The following FBXO16 variants were observed in gnomAD, a reference collection of about 807,000 sequenced individuals.
FBXO16 encodes F-box only protein 16.
In FBXO16, 31 loss-of-function variants were observed where a neutral mutation model predicts 41.0. That is an observed-to-expected ratio of 0.76 (90% CI 0.57 to 1.02). FBXO16 has a LOEUF of 1.02. Among genes scored for constraint, FBXO16 ranks in the 50% least tolerant of loss-of-function variants. The probability of loss-of-function intolerance (pLI) is 0.00; values close to 1 mark genes in which losing one functional copy is unlikely to be tolerated. For missense variants in FBXO16, 361 were observed against 346.2 expected, an observed-to-expected ratio of 1.04 and a Z score of -0.34; for synonymous variants, 133 against 117.8, an observed-to-expected ratio of 1.13 and a Z score of -0.84.
At chr8:28,476,221 T>G (rs1803420883) in intron 2 of FBXO16, among the ~76,000 whole-genome samples, 1 of 152,136 alleles carries the variant, frequency 6.6e-6, no homozygotes, top group Admixed American at 6.5e-5. Context: ...ATAGGGTGGA[T>G]GTTGGGAAGT....
At chr8:28,436,654 T>C (rs1000003945) in intron 7 of FBXO16, among the ~76,000 whole-genome samples, 5 of 152,210 alleles carry the variant, frequency 3.3e-5, no homozygotes, top group African/African-American at 1.2e-4. Flanking sequence ...TCAAAACACC[T>C]GTGTCTTAAA....
chr8:28,484,918 C>G (rs1014354806), intron 1 of FBXO16, among the ~76,000 whole-genome samples: 2 of 152,020 alleles, frequency 1.3e-5, no homozygotes, highest in Non-Finnish European at 2.9e-5. Flanking sequence ...CTCTATCACC[C>G]AGGCTCGAGT....
intron 7 of FBXO16, among the ~76,000 whole-genome samples, chr8:28,434,605 C>T (rs1802659237): frequency 6.6e-6 from 1 of 152,202 alleles, no homozygotes; most frequent in South Asian, 2.1e-4. Flanking sequence ...ACAATCTTCA[C>T]TTTGTAGAAG....
At chr8:28,462,689 A>C (rs1299125950) in intron 4 of FBXO16, among the ~76,000 whole-genome samples, 2 of 152,202 alleles carry the variant, frequency 1.3e-5, no homozygotes, top group Non-Finnish European at 2.9e-5. Context: ...GACTCAACAA[A>C]ATGACTATCA....
chr8:28,437,154 C>A (rs1427187622), intron 7 of FBXO16, among the ~76,000 whole-genome samples: 1 of 152,238 alleles, frequency 6.6e-6, no homozygotes, highest in African/African-American at 2.4e-5. Flanking sequence ...AAACACAGTT[C>A]TCTTCTGGTA....
At chr8:28,429,130 T>C (rs1262535078) in intron 8 of FBXO16, among the ~76,000 whole-genome samples, 1 of 152,172 alleles carries the variant, frequency 6.6e-6, no homozygotes, top group Non-Finnish European at 1.5e-5. Context: ...ATTGACATCA[T>C]TCCCATATTT....
chr8:28,445,849 ACG>A (rs1321045989), intron 7 of FBXO16, among the ~76,000 whole-genome samples: 150 of 152,322 alleles, frequency 9.8e-4, no homozygotes, highest in South Asian at 3.1e-3. Context: ...ATTCCTGAGT[ACG>A]TACTTATTCC....
rs151253405 is a variant in FBXO16 at position 28,440,910 on chromosome 8, CAAAG to C, written c.843+6257_843+6260del. Reference sequence around the variant, plus strand: ...TGTTTATACTTGATAAAGGAAAAAACAAAGAAAAGAAACAAGATGTCAGCTAGGG... The same window carrying C: ...TGTTTATACTTGATAAAGGAAAAAACAAAAGAAACAAGATGTCAGCTAGGG... On this transcript the variant is annotated intron_variant, in intron 7 of 8. Transcript: ENST00000380254. Among the ~76,000 whole-genome samples, 1,334 of 152,186 alleles carry C rather than the reference CAAAG, an allele frequency of 8.8e-3. 16 individuals carry two copies. Among genetic ancestry groups the C allele is most frequent in the African/African-American group, 0.03 (1,257 of 41,526 alleles).
chr8:28,486,713 C>T (rs1340148957), intron 1 of FBXO16, among the ~76,000 whole-genome samples: 3 of 151,744 alleles, frequency 2.0e-5, no homozygotes, highest in Admixed American at 6.6e-5. Flanking sequence ...CCTGTGGTCC[C>T]AGCTACTTGG....
intron 2 of FBXO16, among the ~76,000 whole-genome samples, chr8:28,476,574 T>C (rs1375745513): frequency 1.3e-5 from 2 of 152,190 alleles, no homozygotes; most frequent in Non-Finnish European, 2.9e-5. Flanking sequence ...TTAAAATGGA[T>C]CTTCTTTTCT....
rs201054975 is a variant in FBXO16, at chr8:28,463,326, ATG to A, written c.342+284_342+285del. 1.1e-3 allele frequency among the ~76,000 whole-genome samples: 166 copies of A among 146,988 alleles called. 3 individuals are homozygous for A. In the East Asian group the frequency reaches 0.023, roughly 20 times the overall value. On this transcript the variant is annotated intron_variant, in intron 4 of 8. Transcript: ENST00000380254. ...TGTTTGTGTGTGTGTGTATATGTGT[ATG>A]TGTGTTTGTGTGTATATTTGTGTTT...
Position 28,467,149 on chromosome 8 carries a change from G to A in FBXO16, c.136-3331C>T, listed in dbSNP as rs570178278. Reference sequence around the variant, plus strand: ...GGCAGTGCTATGTGAGTCTGGTGGGGCTGAGCTACGTTGAGACCCAGGATG... The same window carrying A: ...GGCAGTGCTATGTGAGTCTGGTGGGACTGAGCTACGTTGAGACCCAGGATG... On this transcript the variant is annotated intron_variant, in intron 3 of 8. Transcript: ENST00000380254. Among the ~76,000 whole-genome samples the A allele has an allele frequency of 4.6e-5, 7 of 152,130 alleles. No individual in the cohort carries two copies. In the East Asian group the frequency reaches 1.4e-3, roughly 29 times the overall value.
intron 7 of FBXO16, among the ~76,000 whole-genome samples, chr8:28,443,022 AC>A (rs1802805330): frequency 7.4e-6 from 1 of 135,540 alleles, no homozygotes; most frequent in African/African-American, 3.1e-5. Context: ...TATTACTTGT[AC>A]TTTTTTTTTT....
intron 3 of FBXO16, among the ~76,000 whole-genome samples, chr8:28,473,453 A>C (rs1803368858): frequency 1.3e-5 from 2 of 152,094 alleles, no homozygotes; most frequent in Admixed American, 6.6e-5. Context: ...TGGGGCCCTC[A>C]TGAAGGGGAT....
At chr8:28,451,599 G>T (rs1802954467) in intron 6 of FBXO16, among the ~76,000 whole-genome samples, 1 of 151,594 alleles carries the variant, frequency 6.6e-6, no homozygotes, top group Non-Finnish European at 1.5e-5. Flanking sequence ...TGAGTGTCAG[G>T]TTTCTTACCA....
chr8:28,483,500 A>G (rs1424061641), intron 1 of FBXO16, 38 bp from the exon 2 acceptor site: 3 of 1,489,788 alleles, frequency 2.0e-6, no homozygotes, highest in Non-Finnish European at 1.9e-6. Context: ...GAAGAAGTGA[A>G]TCATATAACC....
At chr8:28,450,556 C>T (rs941650175) in intron 6 of FBXO16, among the ~76,000 whole-genome samples, 6 of 152,146 alleles carry the variant, frequency 3.9e-5, no homozygotes, top group African/African-American at 4.8e-5. Flanking sequence ...AGGGTTGCTC[C>T]GTTTCATTTG....
chr8:28,484,463 C>A (rs1803568514), intron 1 of FBXO16, among the ~76,000 whole-genome samples: 2 of 152,218 alleles, frequency 1.3e-5, no homozygotes, highest in Non-Finnish European at 2.9e-5. Flanking sequence ...AATTCTCCCT[C>A]ATTGTTTAGA....
intron 7 of FBXO16, among the ~76,000 whole-genome samples, chr8:28,435,788 C>T (rs2130082069): frequency 6.6e-6 from 1 of 152,274 alleles, no homozygotes; most frequent in Admixed American, 6.5e-5. Flanking sequence ...AAGACAGATT[C>T]TCAATTGGTC....
Sources: gnomAD v4.1 joint callset for allele counts (sites outside exome capture counted in the v4.1 genomes callset) on GRCh38, gnomAD v4.1.1 for gene constraint, MANE v1.5 for transcripts, NCBI Gene and HGNC (gene_info 2026-07-23, HGNC 2026-07-21) for gene names.